Variants in NFATC1 observed in about 807,000 individuals in gnomAD.
NFATC1 encodes the protein nuclear factor of activated T-cells, cytoplasmic 1.
In NFATC1, 22 loss-of-function variants were observed where a neutral mutation model predicts 76.0. The observed-to-expected ratio is 0.29, with a 90% confidence interval of 0.21 to 0.41. The LOEUF is 0.41. Among genes scored for constraint, NFATC1 ranks in the 10% least tolerant of loss-of-function variants. NFATC1 has a pLI of 1.00. For missense variants in NFATC1, 1,357 were observed against 1,337.7 expected (o/e 1.01, Z -0.23); for synonymous variants, 704 against 613.1 (o/e 1.15, Z -2.19).
At chr18:79,457,915 A>G (rs2087824478) in intron 6 of NFATC1, among the ~76,000 whole-genome samples, 1 of 152,206 alleles carries the variant, frequency 6.6e-6, no homozygotes, top group Non-Finnish European at 1.5e-5. Flanking sequence ...TCGTTGGCAC[A>G]GGTCGGGACG....
rs2087317861 is a variant in NFATC1, at chr18:79,448,589, A to C, written c.1387-193A>C. The C allele has an allele frequency of 1.3e-5, 8 of 614,594 alleles. No homozygotes were observed. The South Asian group carries it at 1.6e-4, about 12-fold the overall frequency. 38.1% of individuals were successfully genotyped at this position (614,594 alleles called of 1,614,324 possible). On this transcript the variant is annotated intron_variant, in intron 3 of 9. Transcript: ENST00000427363. ...TTTCAAAGCCTAAAACTCAGTGCCC[A>C]GGTCCATTGGGATAACAAGGCATTT... is the stretch of plus-strand genomic sequence containing the variant.
chr18:79,461,248 G>T (rs2088062321), intron 6 of NFATC1, 63 bp from the exon 7 acceptor site: 2 of 1,586,964 alleles, frequency 1.3e-6, no homozygotes, highest in Admixed American at 1.7e-5. Context: ...TCACGTGGGG[G>T]TGTCTGGGGA....
At chr18:79,481,461 G>T (rs2089268775) in intron 8 of NFATC1, among the ~76,000 whole-genome samples, 1 of 152,214 alleles carries the variant, frequency 6.6e-6, no homozygotes, top group Admixed American at 6.5e-5. Context: ...CAATCAACAT[G>T]AGGGCGCCGT....
intron 2 of NFATC1, among the ~76,000 whole-genome samples, chr18:79,427,020 A>G (rs2086363412): frequency 6.6e-6 from 1 of 152,208 alleles, no homozygotes; most frequent in Non-Finnish European, 1.5e-5. Flanking sequence ...TGTCTGCAGC[A>G]GCCACGGCAG....
intron 2 of NFATC1, chr18:79,422,840 G>A (rs2086146567): frequency 6.6e-6 from 1 of 152,184 alleles, no homozygotes; most frequent in African/African-American, 2.4e-5. Flanking sequence ...TGACATCGGG[G>A]GCTTTGTAGA....
At chr18:79,443,798 C>G (rs1021644200) in intron 3 of NFATC1, among the ~76,000 whole-genome samples, 1 of 152,248 alleles carries the variant, frequency 6.6e-6, no homozygotes, top group African/African-American at 2.4e-5. Context: ...GGCCCCTTCC[C>G]CAGGCTGCCC....
At chr18:79,406,946 G>A (rs1239541682) in intron 1 of NFATC1, among the ~76,000 whole-genome samples, 1 of 152,226 alleles carries the variant, frequency 6.6e-6, no homozygotes, top group Non-Finnish European at 1.5e-5. Flanking sequence ...GTGGGGCACA[G>A]GGCGACCTGC....
chr18:79,482,913 G>C (rs1238324177), intron 8 of NFATC1, among the ~76,000 whole-genome samples: 3 of 141,788 alleles, frequency 2.1e-5, no homozygotes, highest in Non-Finnish European at 4.6e-5. Flanking sequence ...CCTGGTCCTG[G>C]GGTGTCACTC....
At chr18:79,482,768 G>T (rs1366122062) in intron 8 of NFATC1, among the ~76,000 whole-genome samples, 3 of 140,908 alleles carry the variant, frequency 2.1e-5, no homozygotes, top group African/African-American at 7.9e-5. Flanking sequence ...TCGTTCCTGG[G>T]GTGTAATTCC....
At chr18:79,407,332 T>C (rs1040116017) in intron 1 of NFATC1, among the ~76,000 whole-genome samples, 1 of 152,092 alleles carries the variant, frequency 6.6e-6, no homozygotes, top group Admixed American at 6.5e-5. Flanking sequence ...GGGGATGGTG[T>C]GTGTGTCCTG....
intron 9 of NFATC1, among the ~76,000 whole-genome samples, chr18:79,500,712 A>G (rs989665408): frequency 1.3e-5 from 2 of 152,208 alleles, no homozygotes; most frequent in Non-Finnish European, 2.9e-5. Context: ...TTATAAGGGA[A>G]TACTATAACC....
At chr18:79,416,587 C>T (rs1164871317) in intron 2 of NFATC1, among the ~76,000 whole-genome samples, 4 of 152,314 alleles carry the variant, frequency 2.6e-5, no homozygotes, top group Non-Finnish European at 4.4e-5. Context: ...GGGTCTTCCC[C>T]GAGCTTCCCG....
At chr18:79,441,911 G>A (rs949275907) in intron 3 of NFATC1, among the ~76,000 whole-genome samples, 2 of 152,070 alleles carry the variant, frequency 1.3e-5, no homozygotes, top group Non-Finnish European at 2.9e-5. Context: ...TGGTGTTTCC[G>A]GGCAGAATCT....
Position 79,408,988 on chromosome 18 carries a change from C to T in NFATC1, c.128-1415C>T, listed in dbSNP as rs546305025. Among the ~76,000 whole-genome samples, 9 of 118,804 alleles carry T rather than the reference C, an allele frequency of 7.6e-5. 2 individuals are homozygous for T. The highest frequency in any genetic ancestry group is 2.8e-4 in the African/African-American group (9 of 32,246). The allele number at this position is 118,804 out of a possible 152,430, so 77.9% of individuals were successfully genotyped here. Reference sequence around the variant, plus strand: ...CATCATCATCCATCCATCATCAAACCATTATTCCTCCATTCCCTATCCATC... The same window carrying T: ...CATCATCATCCATCCATCATCAAACTATTATTCCTCCATTCCCTATCCATC... On this transcript the variant is annotated intron_variant, in intron 1 of 9. Transcript: ENST00000427363.
rs1422005939 is a variant in NFATC1 at position 79,528,373 on chromosome 18, A to G, written c.*796A>G. ...GGATAGCCTGCATTTGCATGTGTGT[A>G]CATATCTAGGCATCTATTTATGTAT... is the stretch of plus-strand genomic sequence containing the variant. On this transcript the variant is annotated 3_prime_UTR_variant, in exon 10 of 10. Transcript: ENST00000427363. The G allele has an allele frequency of 1.3e-5, 2 of 154,956 alleles. No homozygotes were observed. Among genetic ancestry groups the G allele is most frequent in the South Asian group, 2.1e-4 (1 of 4,856 alleles). The allele number at this position is 154,956 out of a possible 1,614,324, so 9.6% of individuals were successfully genotyped here. A position where few individuals can be genotyped will look rare whatever the true frequency, so the allele number is the denominator to read the frequency against.
At chr18:79,494,253 G>A (rs2089796452) in intron 9 of NFATC1, among the ~76,000 whole-genome samples, 1 of 148,640 alleles carries the variant, frequency 6.7e-6, no homozygotes, top group African/African-American at 2.5e-5. Flanking sequence ...GCGAGAGCGG[G>A]CACACGCCCC....
chr18:79,417,963 C>A (rs1440457649), intron 2 of NFATC1, among the ~76,000 whole-genome samples: 1 of 148,568 alleles, frequency 6.7e-6, no homozygotes, highest in Non-Finnish European at 1.5e-5. Flanking sequence ...TGGGCTGTGG[C>A]GGGAGATGGG....
chr18:79,418,568 C>T (rs970076609), intron 2 of NFATC1, among the ~76,000 whole-genome samples: 15 of 152,228 alleles, frequency 9.9e-5, no homozygotes, highest in Admixed American at 2.6e-4. Flanking sequence ...AGGGGCTTTA[C>T]GCAGCCTGTG....
rs2088469215 is a variant in NFATC1 at position 79,465,915 on chromosome 18, T to A, written c.1960-1535T>A. On this transcript the variant is annotated intron_variant, in intron 7 of 9. Coordinates refer to ENST00000427363, the MANE Select transcript of NFATC1 (RefSeq NM_001278669.2). The surrounding 1 kb of genome is among the most constrained non-coding windows in gnomAD (Gnocchi z 4.2). ...GCCCACTGACAGCACTCATGGCCCC[T>A]CCGGCGGCAGCTTCAGCTCCCCTGG... Among the ~76,000 whole-genome samples, 1 of 152,212 alleles carries A rather than the reference T, an allele frequency of 6.6e-6. No individual in the cohort carries two copies. The highest frequency in any genetic ancestry group is 6.5e-5 in the Admixed American group (1 of 15,282).
Sources: gnomAD v4.1 joint callset for allele counts (sites outside exome capture counted in the v4.1 genomes callset) on GRCh38, gnomAD v4.1.1 for gene constraint, Gnocchi (gnomAD v3.1) non-coding constraint, MANE v1.5 for transcripts, NCBI Gene and HGNC (gene_info 2026-07-23, HGNC 2026-07-21) for gene names.